Variants in SLC39A9 observed in about 807,000 individuals in gnomAD.
SLC39A9 encodes solute carrier family 39 member 9.
SLC39A9 carries 14 observed loss-of-function variants against 28.4 expected under a neutral mutation model. The observed-to-expected ratio is 0.49, with a 90% CI of 0.33 to 0.77. The LOEUF (loss-of-function observed/expected upper bound fraction) is 0.77, where lower values mean the gene tolerates loss of function less well. SLC39A9 is among the 30% of genes least tolerant of loss of function. SLC39A9 has a pLI of 0.02. For missense variants in SLC39A9, 283 were observed against 381.1 expected, an observed-to-expected ratio of 0.74 and a Z score of 2.14; for synonymous variants, 119 against 149.6, an observed-to-expected ratio of 0.80 and a Z score of 1.49.
At position 69,453,101 on chromosome 14, in the gene SLC39A9, G is replaced by T. The variant is rs1885692032; in HGVS notation, c.404-140G>T. On this transcript the variant is annotated intron_variant, in intron 3 of 6. Transcript: ENST00000336643. ...CCTATCATCTCAACACTTTGGGAGG[G>T]TGAGGCGGGCGGATCATTGGAGGTC... 5 of 627,312 alleles carry T rather than the reference G, an allele frequency of 8.0e-6. No homozygotes were observed. The South Asian group carries it at 9.0e-5, about 11-fold the overall frequency. 38.9% of individuals were successfully genotyped at this position (627,312 alleles called of 1,614,324 possible).
At chr14:69,444,290 C>T (rs894382107) in intron 3 of SLC39A9, among the ~76,000 whole-genome samples, 1 of 152,092 alleles carries the variant, frequency 6.6e-6, no homozygotes, top group Non-Finnish European at 1.5e-5. Context: ...CTGAATTCTA[C>T]CTGTACTCAC....
chr14:69,430,721 C>G (rs1884449447), intron 2 of SLC39A9, among the ~76,000 whole-genome samples: 1 of 150,964 alleles, frequency 6.6e-6, no homozygotes, highest in African/African-American at 2.4e-5. Flanking sequence ...ACCTTGAACT[C>G]CTGTGCTCAA....
chr14:69,460,941 C>G lies in SLC39A9; in HGVS notation c.*2348C>G. The stretch of plus-strand genomic sequence containing the variant: ...AGGGAACCAAGCAGCGTGGCACAGG[C>G]CTTCTTGACTGGAGGAAGAGCTTGC... On this transcript the variant is annotated 3_prime_UTR_variant, in exon 7 of 7. Transcript: ENST00000336643. 1 of 985,580 alleles carries G rather than the reference C, an allele frequency of 1.0e-6. No homozygotes were observed. Among genetic ancestry groups the G allele is most frequent in the Non-Finnish European group, 1.2e-6 (1 of 830,098 alleles). 61.1% of individuals were successfully genotyped at this position (985,580 alleles called of 1,614,324 possible). A position where few individuals can be genotyped will look rare whatever the true frequency, so the allele number is the denominator to read the frequency against.
chr14:69,409,812 A>C (rs10129186), intron 1 of SLC39A9, among the ~76,000 whole-genome samples: 68,733 of 152,000 alleles, frequency 0.45, 15,721 homozygotes, highest in Middle Eastern at 0.59. Flanking sequence ...AATGATGGGG[A>C]TAAAGGGCAT....
In SLC39A9 at chr14:69,461,273, C is replaced by T. The variant is rs1566929436; in HGVS notation, c.*2680C>T. The T allele has an allele frequency of 3.0e-6, 3 of 993,558 alleles. No individual in the cohort carries two copies. The highest frequency in any genetic ancestry group is 2.1e-4 in the East Asian group (2 of 9,360). 61.5% of individuals were successfully genotyped at this position (993,558 alleles called of 1,614,324 possible). A position where few individuals can be genotyped will look rare whatever the true frequency, so the allele number is the denominator to read the frequency against. Reference sequence around the variant, plus strand: ...AGACTTTCTTCAGATTCCAAGTGCTCTCTTAAATGGCAAATTAAGTTAAAG... The same window carrying T: ...AGACTTTCTTCAGATTCCAAGTGCTTTCTTAAATGGCAAATTAAGTTAAAG... On this transcript the variant is annotated 3_prime_UTR_variant, in exon 7 of 7. Coordinates refer to ENST00000336643, the MANE Select transcript of SLC39A9 (RefSeq NM_018375.5).
chr14:69,437,029 G>A (rs558813490), intron 2 of SLC39A9, among the ~76,000 whole-genome samples: 17 of 152,094 alleles, frequency 1.1e-4, no homozygotes, highest in Admixed American at 2.0e-4. Context: ...CACCACACCC[G>A]GCTAATTTTT....
Position 69,398,792 on chromosome 14 carries a change from G to A in SLC39A9, c.-578G>A, listed in dbSNP as rs1882453773. The A allele has an allele frequency of 5.2e-6, 1 of 190,522 alleles. No individual in the cohort carries two copies. The highest frequency in any genetic ancestry group is 2.4e-5 in the African/African-American group (1 of 41,724). 11.8% of individuals were successfully genotyped at this position (190,522 alleles called of 1,614,324 possible). On this transcript the variant is annotated 5_prime_UTR_variant, in exon 1 of 7. Coordinates refer to ENST00000336643, the MANE Select transcript of SLC39A9 (RefSeq NM_018375.5). ...CATGGGCAGCACCGGGTATAGGGCA[G>A]AGACAGCTTTGTGTCAACTTTGCTG...
At chr14:69,437,538 A>G (rs1374122949) in intron 2 of SLC39A9, among the ~76,000 whole-genome samples, 2 of 151,958 alleles carry the variant, frequency 1.3e-5, no homozygotes, top group Admixed American at 6.6e-5. Context: ...GATGTCTCCA[A>G]CATTCCTTTT....
At chr14:69,420,165 CT>C (rs910396548) in intron 1 of SLC39A9, among the ~76,000 whole-genome samples, 3 of 152,142 alleles carry the variant, frequency 2.0e-5, no homozygotes, top group African/African-American at 7.2e-5. Flanking sequence ...TTAGTGCTTC[CT>C]TCAGGAGCTC....
At chr14:69,428,749 GGTCA>G (rs1884331841) in intron 2 of SLC39A9, 1 of 152,448 alleles carries the variant, frequency 6.6e-6, no homozygotes, top group South Asian at 2.1e-4. Flanking sequence ...AAGTGGAAGT[GGTCA>G]GTCAAAGCAG....
intron 6 of SLC39A9, 127 bp downstream of exon 6, chr14:69,455,993 T>C (rs1885838338): frequency 2.7e-6 from 3 of 1,097,698 alleles, no homozygotes; most frequent in Non-Finnish European, 2.6e-6. Context: ...GAGTAAAAAC[T>C]ATACAGGGTA....
chr14:69,401,719 T>G (rs1882645152), intron 1 of SLC39A9, among the ~76,000 whole-genome samples: 1 of 152,196 alleles, frequency 6.6e-6, no homozygotes, highest in Non-Finnish European at 1.5e-5. Context: ...AAATTGACGG[T>G]CAGATGGTCT....
chr14:69,458,704 A>T lies in SLC39A9; in HGVS notation c.*111A>T. 1.4e-6 allele frequency: 2 copies of T among 1,439,802 alleles called. No individual in the cohort carries two copies. Among genetic ancestry groups the T allele is most frequent in the East Asian group, 2.5e-5 (1 of 39,936 alleles). The allele number at this position is 1,439,802 out of a possible 1,614,324, so 89.2% of individuals were successfully genotyped here. On this transcript the variant is annotated 3_prime_UTR_variant, in exon 7 of 7. Coordinates refer to ENST00000336643, the MANE Select transcript of SLC39A9 (RefSeq NM_018375.5). The stretch of plus-strand genomic sequence containing the variant: ...CTTGTCTCACCTTGCGCATCTCTAC[A>T]TGTATTCCTAGAGTCCAGAGGGGAG...
At chr14:69,433,503 C>T (rs1450292901) in intron 2 of SLC39A9, among the ~76,000 whole-genome samples, 3 of 152,004 alleles carry the variant, frequency 2.0e-5, no homozygotes, top group African/African-American at 7.3e-5. Flanking sequence ...TATATAAAAT[C>T]AATAATATTT....
chr14:69,452,357 T>A (rs1324654846), intron 3 of SLC39A9, among the ~76,000 whole-genome samples: 1 of 152,066 alleles, frequency 6.6e-6, no homozygotes, highest in African/African-American at 2.4e-5. Context: ...GAGACGGAGT[T>A]TCACTCTTGT....
chr14:69,442,352 G>A lies in SLC39A9; in HGVS notation c.403+86G>A, dbSNP rs1183670941. 6 of 1,313,570 alleles carry A rather than the reference G, an allele frequency of 4.6e-6. No individual in the cohort carries two copies. The East Asian group carries it at 6.9e-5, about 15-fold the overall frequency. The allele number at this position is 1,313,570 out of a possible 1,614,324, so 81.4% of individuals were successfully genotyped here. ...CGATCAAATATTTCAGTCTGTATCA[G>A]TGGCCATATTTAGTGCTAAAACTCT... On this transcript the variant is annotated intron_variant, in intron 3 of 6. Transcript: ENST00000336643.
In SLC39A9 at chr14:69,424,194, T is replaced by C. The variant is rs778129948; in HGVS notation, c.197T>C (p.Ile66Thr). 6.2e-7 allele frequency: 1 copy of C among 1,610,588 alleles called. No homozygotes were observed. The highest frequency in any genetic ancestry group is 8.5e-7 in the Non-Finnish European group (1 of 1,176,912). The change falls in exon 2 of 7, where the codon ATT becomes ACT. Residue 66 changes from isoleucine to threonine, a missense_variant. Ile to Thr is a moderately conservative substitution (Grantham distance 89). Coordinates refer to ENST00000336643, the MANE Select transcript of SLC39A9 (RefSeq NM_018375.5). ...PEGVHALYED[I>T]LEGKHHQASE... ...GGAGTACATGCCCTTTATGAAGATA[T>C]TCTTGAGGGTGAGAAAGGGAAGAGC...
rs1380290015 is a variant in SLC39A9 at position 69,458,880 on chromosome 14, T to A, written c.*287T>A. On this transcript the variant is annotated 3_prime_UTR_variant, in exon 7 of 7. Coordinates refer to ENST00000336643, the MANE Select transcript of SLC39A9 (RefSeq NM_018375.5). ...CTCTTAACCCTATTCTCAGGGAAGA[T>A]GGAATTTAGTTTTAAGGAAAAGAGG... The A allele has an allele frequency of 1.8e-6, 2 of 1,125,186 alleles. No individual in the cohort carries two copies. The highest frequency in any genetic ancestry group is 2.2e-6 in the Non-Finnish European group (2 of 918,900). The allele number at this position is 1,125,186 out of a possible 1,614,324, so 69.7% of individuals were successfully genotyped here. A position where few individuals can be genotyped will look rare whatever the true frequency, so the allele number is the denominator to read the frequency against.
At chr14:69,420,334 C>G (rs1041894193) in intron 1 of SLC39A9, among the ~76,000 whole-genome samples, 2 of 152,332 alleles carry the variant, frequency 1.3e-5, no homozygotes, top group Admixed American at 6.5e-5. Context: ...CCCCCACTCT[C>G]TTCTGGCTTG....
Sources: allele counts gnomAD v4.1 joint callset (sites outside exome capture counted in the v4.1 genomes callset), GRCh38; gene constraint gnomAD v4.1.1; transcripts MANE v1.5; gene names NCBI Gene and HGNC (gene_info 2026-07-23, HGNC 2026-07-21).